Variants in EVA1C observed in about 807,000 individuals in gnomAD.
EVA1C encodes protein eva-1 homolog C.
EVA1C carries 25 observed loss-of-function variants against 45.4 expected under a neutral mutation model. That is an observed-to-expected ratio of 0.55 (90% CI 0.40 to 0.77). The LOEUF (loss-of-function observed/expected upper bound fraction) is 0.77, where lower values mean the gene tolerates loss of function less well. Ranked by LOEUF, EVA1C falls within the 30% of genes least tolerant of loss-of-function variation. The pLI is 0.00. For synonymous variants in EVA1C, 190 were observed against 221.2 expected (o/e 0.86, Z 1.25); for missense variants, 479 against 554.8 (o/e 0.86, Z 1.37).
chr21:32,510,572 G>C (rs1366150850), intron 7 of EVA1C, among the ~76,000 whole-genome samples: 1 of 152,224 alleles, frequency 6.6e-6, no homozygotes, highest in Non-Finnish European at 1.5e-5. Flanking sequence ...CCATAAACCT[G>C]CAATAGTTCC....
At chr21:32,506,610 T>C (rs1013802761) in intron 7 of EVA1C, among the ~76,000 whole-genome samples, 8 of 152,064 alleles carry the variant, frequency 5.3e-5, no homozygotes, top group Non-Finnish European at 1.0e-4. Flanking sequence ...GCCTCTGGGC[T>C]TGCCTGTGGG....
intron 1 of EVA1C, among the ~76,000 whole-genome samples, chr21:32,423,044 C>T (rs2034343208): frequency 8.4e-6 from 1 of 118,740 alleles, no homozygotes; most frequent in South Asian, 2.8e-4. Flanking sequence ...GCACTCCAGC[C>T]TGGGCAGCAG....
At chr21:32,440,144 A>G (rs557065405) in intron 1 of EVA1C, among the ~76,000 whole-genome samples, 1 of 152,026 alleles carries the variant, frequency 6.6e-6, no homozygotes. Flanking sequence ...CTTTTGTTGT[A>G]TGTGAGGGCA....
chr21:32,457,726 T>A lies in EVA1C; in HGVS notation c.481+6T>A. 1 of 1,614,118 alleles carries A rather than the reference T, an allele frequency of 6.2e-7. No homozygotes were observed. The highest frequency in any genetic ancestry group is 1.1e-5 in the South Asian group (1 of 91,086). On this transcript the variant is annotated splice_donor_region_variant and intron_variant, in intron 3 of 7. Transcript: ENST00000300255. ...CTCCTTTAAATGCCAACCTAGTAAGTAACTTCGGAGGGGGACAGTGTGTTT... is the reference window on the plus strand; with the variant it reads ...CTCCTTTAAATGCCAACCTAGTAAGAAACTTCGGAGGGGGACAGTGTGTTT...
chr21:32,432,469 G>A (rs1465620403), intron 1 of EVA1C, among the ~76,000 whole-genome samples: 1 of 152,040 alleles, frequency 6.6e-6, no homozygotes, highest in East Asian at 1.9e-4. Context: ...TCCAGGGAAC[G>A]CACCACCAAA....
rs187404747 is a variant in EVA1C at position 32,446,264 on chromosome 21, C to T, written c.161-7048C>T. ...AAAAAGAGTCCACATCCTCTCATTT[C>T]CTCTCCTCACCAGTTTAACAAGGAT... is the stretch of plus-strand genomic sequence containing the variant. On this transcript the variant is annotated intron_variant, in intron 1 of 7. Transcript: ENST00000300255. Among the ~76,000 whole-genome samples, 3 of 152,118 alleles carry T rather than the reference C, an allele frequency of 2.0e-5. No individual in the cohort carries two copies. The South Asian group carries it at 6.2e-4, about 32-fold the overall frequency.
chr21:32,476,432 G>A (rs1359061724), intron 4 of EVA1C, among the ~76,000 whole-genome samples: 1 of 151,896 alleles, frequency 6.6e-6, no homozygotes, highest in East Asian at 1.9e-4. Context: ...GCCTGAGGTC[G>A]GGAGTTTGAG....
chr21:32,514,732 A>C, intron 7 of EVA1C, 82 bp from the exon 8 acceptor site: 4 of 1,440,704 alleles, frequency 2.8e-6, no homozygotes, highest in Non-Finnish European at 2.8e-6. Context: ...CTGCTTGGGC[A>C]GACATCTGTT....
intron 3 of EVA1C, among the ~76,000 whole-genome samples, chr21:32,466,702 C>T (rs1244581898): frequency 6.6e-6 from 1 of 152,134 alleles, no homozygotes; most frequent in African/African-American, 2.4e-5. Flanking sequence ...CTGGATTTAC[C>T]AGATTTGGGG....
intron 1 of EVA1C, among the ~76,000 whole-genome samples, chr21:32,439,635 G>A (rs776883138): frequency 5.3e-5 from 8 of 151,972 alleles, no homozygotes; most frequent in East Asian, 1.9e-4. Flanking sequence ...CTGGTCACCC[G>A]ACCTGTTCTT....
In EVA1C at chr21:32,445,922, C is replaced by A. The variant is rs559197484; in HGVS notation, c.161-7390C>A. ...AGTTACACATGAGCTGCACCAAGAT[C>A]CCTGAGCGATGTGAAGCTGATAAAA... On this transcript the variant is annotated intron_variant, in intron 1 of 7. Transcript: ENST00000300255. Among the ~76,000 whole-genome samples, 406 of 152,234 alleles carry A rather than the reference C, an allele frequency of 2.7e-3. 3 individuals are homozygous for A. The highest frequency in any genetic ancestry group is 8.9e-3 in the African/African-American group (371 of 41,534).
At chr21:32,478,796 T>C (rs372734509) in intron 4 of EVA1C, among the ~76,000 whole-genome samples, 17 of 152,206 alleles carry the variant, frequency 1.1e-4, no homozygotes, top group African/African-American at 4.1e-4. Context: ...CCGCTGTGGT[T>C]TACATTTTCC....
At chr21:32,453,582 A>G in intron 2 of EVA1C, 74 bp downstream of exon 2, 2 of 1,124,110 alleles carry the variant, frequency 1.8e-6, no homozygotes, top group Non-Finnish European at 2.5e-6. Context: ...GGGTATAAAT[A>G]TATTTGTGAT....
intron 2 of EVA1C, among the ~76,000 whole-genome samples, chr21:32,453,802 A>T (rs958684613): frequency 3.3e-5 from 5 of 152,224 alleles, no homozygotes; most frequent in Admixed American, 6.5e-5. Context: ...GCAAAGTACA[A>T]CCAGGATGGA....
chr21:32,497,287 A>C, intron 5 of EVA1C: 2 of 696,836 alleles, frequency 2.9e-6, no homozygotes, highest in Non-Finnish European at 5.2e-6. Context: ...AAAGAAAACA[A>C]ATCTCCAGAT....
At chr21:32,496,871 T>G (rs546142964) in intron 5 of EVA1C, 8 of 998,346 alleles carry the variant, frequency 8.0e-6, no homozygotes, top group Admixed American at 3.4e-5. Flanking sequence ...TCTGGAGATA[T>G]ATTCAGAGTT....
chr21:32,436,682 A>G, intron 1 of EVA1C, among the ~76,000 whole-genome samples: 1 of 152,296 alleles, frequency 6.6e-6, no homozygotes, highest in Non-Finnish European at 1.5e-5. Flanking sequence ...CGTTGTGGAC[A>G]TAGTAGGCTT....
At chr21:32,473,986 T>G in intron 4 of EVA1C, 1 of 981,488 alleles carries the variant, frequency 1.0e-6, no homozygotes, top group Non-Finnish European at 1.2e-6. Flanking sequence ...TGCAGTGAAG[T>G]ATTCATCATA....
At chr21:32,459,425 G>A (rs1003010339) in intron 3 of EVA1C, among the ~76,000 whole-genome samples, 5 of 152,138 alleles carry the variant, frequency 3.3e-5, no homozygotes, top group African/African-American at 7.2e-5. Context: ...CCCTCCAACC[G>A]CTGAATCTCA....
Sources: gnomAD v4.1 joint callset for allele counts (sites outside exome capture counted in the v4.1 genomes callset) on GRCh38, gnomAD v4.1.1 for gene constraint, MANE v1.5 for transcripts, NCBI Gene and HGNC (gene_info 2026-07-23, HGNC 2026-07-21) for gene names.